LINGO2: variants seen among roughly 807,000 people sequenced by gnomAD.
LINGO2 encodes leucine-rich repeat and immunoglobulin-like domain-containing nogo receptor-interacting protein 2.
LINGO2 carries 14 observed loss-of-function variants against 30.6 expected under a neutral mutation model. That is an observed-to-expected ratio of 0.46 (90% CI 0.30 to 0.72). LINGO2 has a LOEUF of 0.72. Among genes scored for constraint, LINGO2 ranks in the 30% least tolerant of loss-of-function variants. The pLI is 0.07. For missense variants in LINGO2, 729 were observed against 751.7 expected (o/e 0.97, Z 0.35); for synonymous variants, 317 against 288.5 (o/e 1.10, Z -1.00).
At chr9:28,615,928 C>T (rs530013348) in intron 1 of LINGO2, among the ~76,000 whole-genome samples, 1 of 152,072 alleles carries the variant, frequency 6.6e-6, no homozygotes, top group Non-Finnish European at 1.5e-5. Context: ...TACTGTATGA[C>T]TCCATGTAAA....
chr9:28,685,494 A>G, the LINGO2 span, among the ~76,000 whole-genome samples: 1 of 152,176 alleles, frequency 6.6e-6, no homozygotes, highest in Admixed American at 6.5e-5. Context: ...ACAATTACTC[A>G]TAGAAAAAGA....
the LINGO2 span, among the ~76,000 whole-genome samples, chr9:29,154,455 A>AAG: frequency 6.6e-6 from 1 of 151,566 alleles, no homozygotes; most frequent in African/African-American, 2.4e-5. Context: ...GTCTCAAAAA[A>AAG]AAAAAAAAAA....
intron 5 of LINGO2, among the ~76,000 whole-genome samples, chr9:27,952,551 A>C (rs1447130205): frequency 6.6e-6 from 1 of 152,014 alleles, no homozygotes; most frequent in African/African-American, 2.4e-5. Context: ...AAGATACAAA[A>C]CTATAATAAT....
chr9:28,661,331 A>G (rs1045152541), intron 1 of LINGO2, among the ~76,000 whole-genome samples: 5 of 152,150 alleles, frequency 3.3e-5, no homozygotes, highest in Non-Finnish European at 5.9e-5. Context: ...TAGGTGAATG[A>G]GGCCATCCTG....
intron 3 of LINGO2, among the ~76,000 whole-genome samples, chr9:28,309,898 A>C (rs1824542236): frequency 6.6e-6 from 1 of 152,164 alleles, no homozygotes; most frequent in African/African-American, 2.4e-5. Context: ...GCACATCAGC[A>C]CATGAAATGA....
chr9:28,150,189 C>T (rs1273651300), intron 4 of LINGO2, among the ~76,000 whole-genome samples: 1 of 151,460 alleles, frequency 6.6e-6, no homozygotes. Context: ...TCTGCCCAGC[C>T]CCTGCACCGT....
chr9:28,164,150 C>A (rs991270988), intron 4 of LINGO2, among the ~76,000 whole-genome samples: 2 of 152,082 alleles, frequency 1.3e-5, no homozygotes, highest in African/African-American at 4.8e-5. Flanking sequence ...TAAGAAGTGT[C>A]TGTTACCTAT....
At chr9:28,138,200 A>G (rs1827570376) in intron 4 of LINGO2, among the ~76,000 whole-genome samples, 1 of 152,188 alleles carries the variant, frequency 6.6e-6, no homozygotes, top group Non-Finnish European at 1.5e-5. Context: ...TCTGGTCTGC[A>G]CTATCAGACT....
chr9:28,835,087 A>G, the LINGO2 span, among the ~76,000 whole-genome samples: 1 of 152,176 alleles, frequency 6.6e-6, no homozygotes, highest in African/African-American at 2.4e-5. Context: ...CCTGCTCTCC[A>G]TGAGGAAGGA....
the LINGO2 span, among the ~76,000 whole-genome samples, chr9:28,714,206 C>CACAA: frequency 3.7e-5 from 5 of 133,674 alleles, no homozygotes; most frequent in South Asian, 9.5e-4. Context: ...TACACACACA[C>CACAA]ACATACGCAC....
chr9:28,780,256 C>A, the LINGO2 span, among the ~76,000 whole-genome samples: 1 of 152,068 alleles, frequency 6.6e-6, no homozygotes, highest in Non-Finnish European at 1.5e-5. Context: ...TCCAGAATAG[C>A]GCATAATATC....
At chr9:28,434,911 T>C (rs1823862034) in intron 2 of LINGO2, among the ~76,000 whole-genome samples, 2 of 152,158 alleles carry the variant, frequency 1.3e-5, no homozygotes, top group Non-Finnish European at 2.9e-5. Context: ...CCATGAAGAC[T>C]ATATTTTACC....
At chr9:29,051,054 A>C in the LINGO2 span, among the ~76,000 whole-genome samples, 2 of 152,120 alleles carry the variant, frequency 1.3e-5, no homozygotes, top group African/African-American at 4.8e-5. Context: ...TAAGATACAG[A>C]TATTTTTCTA....
intron 3 of LINGO2, among the ~76,000 whole-genome samples, chr9:28,324,391 T>A (rs1474656278): frequency 1.3e-5 from 2 of 152,114 alleles, no homozygotes; most frequent in Non-Finnish European, 2.9e-5. Context: ...CCATCTTGAA[T>A]AAGGGCTGGT....
chr9:28,985,326 A>G, the LINGO2 span, among the ~76,000 whole-genome samples: 1 of 152,130 alleles, frequency 6.6e-6, no homozygotes, highest in Non-Finnish European at 1.5e-5. Flanking sequence ...TGCAGGGAAC[A>G]TGGGAGTGCA....
the LINGO2 span, among the ~76,000 whole-genome samples, chr9:28,928,578 T>C: frequency 1.3e-5 from 2 of 152,156 alleles, no homozygotes; most frequent in South Asian, 4.1e-4. Flanking sequence ...CTGAGAACAT[T>C]TCCCTGCTAA....
the LINGO2 span, among the ~76,000 whole-genome samples, chr9:29,028,493 T>C: frequency 6.6e-6 from 1 of 151,378 alleles, no homozygotes; most frequent in East Asian, 1.9e-4. Context: ...TACAAATATA[T>C]CTCTAGTTCT....
At chr9:28,848,217 TATACGC>T in the LINGO2 span, among the ~76,000 whole-genome samples, 3 of 89,864 alleles carry the variant, frequency 3.3e-5, no homozygotes, top group African/African-American at 1.7e-4. Flanking sequence ...ATATACTATA[TATACGC>T]ATAGTGTATA....
At chr9:29,133,311 A>T in the LINGO2 span, among the ~76,000 whole-genome samples, 1 of 152,220 alleles carries the variant, frequency 6.6e-6, no homozygotes, top group African/African-American at 2.4e-5. Context: ...TTGGGATGCT[A>T]TACTACTTTA....
Sources: allele counts gnomAD v4.1 joint callset (sites outside exome capture counted in the v4.1 genomes callset), GRCh38; gene constraint gnomAD v4.1.1; transcripts MANE v1.5; gene names NCBI Gene and HGNC (gene_info 2026-07-23, HGNC 2026-07-21).